IGLL5: variants seen among roughly 807,000 people sequenced by gnomAD.
The protein encoded by IGLL5 is immunoglobulin lambda like polypeptide 5, also known as immunoglobulin lambda-like polypeptide 5.
In IGLL5, 30 loss-of-function variants were observed where a neutral mutation model predicts 20.9. That is an observed-to-expected ratio of 1.44 (90% CI 1.07 to 1.95). The LOEUF (loss-of-function observed/expected upper bound fraction) is 1.95, where lower values mean the gene tolerates loss of function less well. Among genes scored for constraint, IGLL5 ranks in the 30% most tolerant of loss-of-function variants. The pLI is 0.00. For synonymous variants in IGLL5, 203 were observed against 117.3 expected (o/e 1.73, Z -4.72); for missense variants, 475 against 270.7 (o/e 1.75, Z -5.30).
chr22:22,888,936 C>T (rs1183902715), intron 1 of IGLL5, among the ~76,000 whole-genome samples: 1 of 151,152 alleles, frequency 6.6e-6, no homozygotes, highest in African/African-American at 2.4e-5. Context: ...TGGGTGCCCC[C>T]AAAAGACAGA....
intron 2 of IGLL5, among the ~76,000 whole-genome samples, chr22:22,894,938 C>A (rs183103773): frequency 6.6e-6 from 1 of 151,414 alleles, no homozygotes; most frequent in African/African-American, 2.4e-5. Context: ...CAGGACAGTC[C>A]TACAGGATGA....
chr22:22,893,906 T>C (rs2067945567), intron 2 of IGLL5, 88 bp downstream of exon 2: 17 of 916,390 alleles, frequency 1.9e-5, no homozygotes, highest in African/African-American at 3.3e-5. Flanking sequence ...TCCTCCCCTC[T>C]GTCCTCCCAG....
intron 2 of IGLL5, among the ~76,000 whole-genome samples, chr22:22,894,531 A>C (rs147339595): frequency 2.0e-5 from 3 of 151,528 alleles, no homozygotes; most frequent in South Asian, 2.1e-4. Flanking sequence ...TCTGGGGCCC[A>C]GTGTCTCTCT....
At chr22:22,895,241 A>G (rs2066734144) in intron 2 of IGLL5, 134 bp from the exon 3 acceptor site, 1 of 790,276 alleles carries the variant, frequency 1.3e-6, no homozygotes, top group African/African-American at 1.7e-5. Flanking sequence ...GGATGGGGAA[A>G]GAAGAGGAGA....
At chr22:22,894,470 G>C (rs964137893) in intron 2 of IGLL5, among the ~76,000 whole-genome samples, 2 of 151,454 alleles carry the variant, frequency 1.3e-5, no homozygotes, top group African/African-American at 4.8e-5. Flanking sequence ...TCACCAGAAA[G>C]GAGACAGTCT....
At chr22:22,888,615 C>G (rs758741228) in intron 1 of IGLL5, among the ~76,000 whole-genome samples, 2 of 151,292 alleles carry the variant, frequency 1.3e-5, no homozygotes, top group Admixed American at 6.6e-5. Flanking sequence ...CCACAGGGTG[C>G]CCAGGCCTGT....
chr22:22,889,483 T>A (rs545336895), intron 1 of IGLL5, among the ~76,000 whole-genome samples: 1 of 151,312 alleles, frequency 6.6e-6, no homozygotes, highest in African/African-American at 2.4e-5. Flanking sequence ...ACCAAATCTT[T>A]ATAACAAGGG....
Position 22,895,363 on chromosome 22 carries a change from C to T in IGLL5, c.326-12C>T, listed in dbSNP as rs762924623. On this transcript the variant is annotated splice_polypyrimidine_tract_variant and intron_variant, in intron 2 of 2. Coordinates refer to ENST00000526893, the MANE Select transcript of IGLL5 (RefSeq NM_001178126.2). ...TGTCTGCCCTCTCTCACCCCCTTCC[C>T]TGTCCACACAGGTCAGCCCAAGGCC... is the stretch of plus-strand genomic sequence containing the variant. 5.6e-6 allele frequency: 9 copies of T among 1,611,820 alleles called. No homozygotes were observed. Among genetic ancestry groups the T allele is most frequent in the Non-Finnish European group, 7.6e-6 (9 of 1,178,802 alleles).
intron 1 of IGLL5, among the ~76,000 whole-genome samples, chr22:22,890,191 A>G (rs2067783167): frequency 1.3e-5 from 2 of 148,736 alleles, no homozygotes; most frequent in African/African-American, 2.5e-5. Context: ...TAAGCAGAGA[A>G]GTATATAAAG....
chr22:22,888,583 C>G (rs180910435), intron 1 of IGLL5, among the ~76,000 whole-genome samples: 1 of 151,296 alleles, frequency 6.6e-6, no homozygotes, highest in Non-Finnish European at 1.5e-5. Context: ...AGGACATCCA[C>G]AGGGGGTGGT....
chr22:22,888,311 A>C lies in IGLL5; in HGVS notation c.206+52A>C, dbSNP rs186538101. On this transcript the variant is annotated intron_variant, in intron 1 of 2. Transcript: ENST00000526893. Reference sequence around the variant, plus strand: ...GTGGGGGTCCTGCAGCAGAGCTGGGAAAGGGTGACCAAGGGGAGACAAGCC... The same window carrying C: ...GTGGGGGTCCTGCAGCAGAGCTGGGCAAGGGTGACCAAGGGGAGACAAGCC... 4 of 1,517,460 alleles carry C rather than the reference A, an allele frequency of 2.6e-6. 1 individual carries two copies. Among genetic ancestry groups the C allele is most frequent in the Non-Finnish European group, 3.6e-6 (4 of 1,122,350 alleles). The allele number at this position is 1,517,460 out of a possible 1,614,324, so 94.0% of individuals were successfully genotyped here.
chr22:22,888,041 A>C lies in IGLL5; in HGVS notation c.-13A>C, dbSNP rs2067558504. 4 of 1,548,348 alleles carry C rather than the reference A, an allele frequency of 2.6e-6. No individual in the cohort carries two copies. The highest frequency in any genetic ancestry group is 1.7e-4 in the Middle Eastern group (1 of 5,942). On this transcript the variant is annotated 5_prime_UTR_variant, in exon 1 of 3. Transcript: ENST00000526893. ...GCAAGTCGGGCCAGAGGTGCCCCTG[A>C]ACCTGAAGGCCAATGAGACCCAAGA...
chr22:22,889,151 T>A (rs191252923), intron 1 of IGLL5, among the ~76,000 whole-genome samples: 1 of 150,754 alleles, frequency 6.6e-6, no homozygotes, highest in African/African-American at 2.4e-5. Flanking sequence ...GACGCCCGAT[T>A]AGAGGAGGGA....
In IGLL5 at chr22:22,894,119, A is replaced by G. The variant is rs578088974; in HGVS notation, c.325+301A>G. Among the ~76,000 whole-genome samples, 7 of 151,432 alleles carry G rather than the reference A, an allele frequency of 4.6e-5. 1 individual carries two copies. The highest frequency in any genetic ancestry group is 1.3e-4 in the Admixed American group (2 of 15,134). On this transcript the variant is annotated intron_variant, in intron 2 of 2. Transcript: ENST00000526893. ...TGAGGGACAGAGGCTGGTTCTGATGAGGGGCCCTGCAGTGTCCTTAGGGAC... is the reference window on the plus strand; with the variant it reads ...TGAGGGACAGAGGCTGGTTCTGATGGGGGGCCCTGCAGTGTCCTTAGGGAC...
chr22:22,888,912 G>C (rs150053669), intron 1 of IGLL5, among the ~76,000 whole-genome samples: 5 of 151,302 alleles, frequency 3.3e-5, no homozygotes, highest in Admixed American at 6.6e-5. Flanking sequence ...AGATCGAGGG[G>C]CACTGGCTGG....
At chr22:22,894,580 T>C (rs557077253) in intron 2 of IGLL5, among the ~76,000 whole-genome samples, 1 of 151,390 alleles carries the variant, frequency 6.6e-6, no homozygotes, top group African/African-American at 2.4e-5. Flanking sequence ...AAAGGGCATG[T>C]TAGACTCAGG....
chr22:22,894,066 CTCCTCTCT>C (rs2067976486), intron 2 of IGLL5, among the ~76,000 whole-genome samples: 1 of 151,378 alleles, frequency 6.6e-6, no homozygotes, highest in African/African-American at 2.4e-5. Context: ...GTCAGGGCTC[CTCCTCTCT>C]TCCAGGGCAG....
rs777043119 is a variant in IGLL5 at position 22,888,166 on chromosome 22, T to C, written c.113T>C (p.Leu38Pro). ...LLGLAMVAHG[L>P]LRPMVAPQSG... Reference sequence around the variant, plus strand: ...GGTCTGGCCATGGTCGCCCATGGCCTGCTGCGCCCAATGGTTGCACCGCAA... The same window carrying C: ...GGTCTGGCCATGGTCGCCCATGGCCCGCTGCGCCCAATGGTTGCACCGCAA... The change falls in exon 1 of 3, where the codon CTG becomes CCG. Residue 38 changes from leucine (L) to proline (P), a missense_variant. Coordinates refer to ENST00000526893, the MANE Select transcript of IGLL5 (RefSeq NM_001178126.2). 5.8e-6 allele frequency: 9 copies of C among 1,549,144 alleles called. No homozygotes were observed. The highest frequency in any genetic ancestry group is 4.1e-5 in the African/African-American group (3 of 72,914).
At chr22:22,894,303 C>A (rs2068013785) in intron 2 of IGLL5, among the ~76,000 whole-genome samples, 1 of 151,282 alleles carries the variant, frequency 6.6e-6, no homozygotes, top group South Asian at 2.1e-4. Flanking sequence ...GGCCTGGTGA[C>A]ACAGAGGTCA....
Sources: allele counts gnomAD v4.1 joint callset (sites outside exome capture counted in the v4.1 genomes callset), GRCh38; gene constraint gnomAD v4.1.1; transcripts MANE v1.5; gene names NCBI Gene and HGNC (gene_info 2026-07-23, HGNC 2026-07-21).